FANCI: variants seen among roughly 807,000 people sequenced by gnomAD.
FANCI encodes the protein FA complementation group I.
A neutral mutation model predicts 176.1 loss-of-function variants in FANCI; 156 were observed. The ratio of observed to expected loss-of-function variants is 0.89; its 90% CI spans 0.78 to 1.01. The LOEUF (loss-of-function observed/expected upper bound fraction) is 1.01. Among genes scored for constraint, FANCI ranks in the 50% least tolerant of loss-of-function variants. FANCI has a pLI of 0.00. For synonymous variants in FANCI, 613 were observed against 541.7 expected (o/e 1.13, Z -1.83); for missense variants, 1,678 against 1,534.1 (o/e 1.09, Z -1.57).
intron 10 of FANCI, among the ~76,000 whole-genome samples, chr15:89,270,139 T>G (rs78431628): frequency 2.6e-3 from 392 of 152,254 alleles, no homozygotes; most frequent in African/African-American, 9.2e-3. Context: ...CCCCCAACCA[T>G]TTAAAACCAT....
intron 18 of FANCI, among the ~76,000 whole-genome samples, chr15:89,285,988 T>A (rs2053800105): frequency 6.6e-6 from 1 of 151,242 alleles, no homozygotes; most frequent in Non-Finnish European, 1.5e-5. Context: ...CAAACTTAGT[T>A]TTTTTTTTTC....
At chr15:89,249,473 G>C (rs945302881) in intron 2 of FANCI, among the ~76,000 whole-genome samples, 1 of 152,028 alleles carries the variant, frequency 6.6e-6, no homozygotes, top group Non-Finnish European at 1.5e-5. Flanking sequence ...TCAGCCTCCT[G>C]AGTAGCTGGG....
At chr15:89,254,057 T>C (rs1047855398) in intron 2 of FANCI, among the ~76,000 whole-genome samples, 1 of 152,062 alleles carries the variant, frequency 6.6e-6, no homozygotes, top group Non-Finnish European at 1.5e-5. Flanking sequence ...GAAAGAACCA[T>C]GAAGCAAAGA....
At chr15:89,263,335 CCTGT>C in intron 6 of FANCI, 80 bp from the exon 7 acceptor site, 1 of 1,096,932 alleles carries the variant, frequency 9.1e-7, no homozygotes, top group Non-Finnish European at 1.4e-6. Context: ...TTGAATTGGC[CCTGT>C]TTTTTTGTCC....
At chr15:89,275,083 C>CTTT (rs530017776) in intron 12 of FANCI, among the ~76,000 whole-genome samples, 1,218 of 114,876 alleles carry the variant, frequency 0.011, 39 homozygotes, top group Middle Eastern at 0.016. Context: ...GGCCTTTCTT[C>CTTT]TTTTTTTTTT....
chr15:89,253,360 A>G (rs1021866123), intron 2 of FANCI, among the ~76,000 whole-genome samples: 1 of 151,996 alleles, frequency 6.6e-6, no homozygotes, highest in African/African-American at 2.4e-5. Context: ...ATCTAAATAA[A>G]TGTTAGGGCT....
At position 89,264,579 on chromosome 15, in the gene FANCI, C is replaced by G; in HGVS notation, c.727C>G (p.Gln243Glu). The G allele has an allele frequency of 6.2e-7, 1 of 1,613,636 alleles. No homozygotes were observed. The highest frequency in any genetic ancestry group is 8.5e-7 in the Non-Finnish European group (1 of 1,179,780). The change falls in exon 9 of 38, where the codon CAG becomes GAG. Residue 243 changes from glutamine (Q) to glutamate (E), a missense_variant. This residue lies in a region of FANCI where 469 missense variants were observed against 436.9 expected (regional missense o/e 1.07). Transcript: ENST00000310775. ...IIAFFSALDK[Q>E]HNEEQSGDEL... ...AGCCTTCTTCAGTGCACTAGATAAG[C>G]AGCACAATGAGGAACAGAGTGGTGA... is the stretch of plus-strand genomic sequence containing the variant.
chr15:89,305,840 G>A (rs1336700784), intron 31 of FANCI, 142 bp downstream of exon 31: 1 of 1,107,142 alleles, frequency 9.0e-7, no homozygotes, highest in Admixed American at 2.0e-5. Flanking sequence ...GATGAAAGAA[G>A]TAGAAGATCA....
chr15:89,264,106 T>C, intron 8 of FANCI, 80 bp downstream of exon 8: 2 of 1,515,134 alleles, frequency 1.3e-6, no homozygotes, highest in Non-Finnish European at 1.8e-6. Context: ...ACCCTTGGTT[T>C]ATATAGCAGA....
Position 89,292,829 on chromosome 15 carries a change from A to C in FANCI, c.2134A>C (p.Arg712=), listed in dbSNP as rs1017506584. 6.2e-7 allele frequency: 1 copy of C among 1,614,054 alleles called. No homozygotes were observed. Among genetic ancestry groups the C allele is most frequent in the African/African-American group, 1.3e-5 (1 of 74,936 alleles). The part of the protein sequence containing the change: ...LDDILESITN[R]MIKSELEDFE... Reference sequence around the variant, plus strand: ...TGATATATTGGAGTCCATTACTAATAGAATGATTAAGAGTGAGCTGGAAGA... The same window carrying C: ...TGATATATTGGAGTCCATTACTAATCGAATGATTAAGAGTGAGCTGGAAGA... Residue 712 remains arginine, a synonymous_variant, in exon 21 of 38, where the codon AGA becomes CGA. Transcript: ENST00000310775.
chr15:89,258,679 C>G (rs921915921), intron 2 of FANCI, 25 bp from the exon 3 acceptor site: 18 of 1,592,008 alleles, frequency 1.1e-5, no homozygotes, highest in Non-Finnish European at 1.6e-5. Flanking sequence ...TTGCCAGAGA[C>G]TTGTACCTTT....
chr15:89,278,134 T>C (rs1346624571), intron 13 of FANCI, among the ~76,000 whole-genome samples: 1 of 152,262 alleles, frequency 6.6e-6, no homozygotes, highest in African/African-American at 2.4e-5. Context: ...TATAAATTGC[T>C]ACTAAGTCAC....
At chr15:89,280,405 CT>C (rs1381146782) in intron 14 of FANCI, among the ~76,000 whole-genome samples, 1 of 152,212 alleles carries the variant, frequency 6.6e-6, no homozygotes, top group East Asian at 1.9e-4. Flanking sequence ...CAGTTATTTA[CT>C]TTCCTGGATT....
rs139843745 is a variant in FANCI at position 89,304,937 on chromosome 15, C to T, written c.3059-178C>T. On this transcript the variant is annotated intron_variant, in intron 28 of 37. Transcript: ENST00000310775. The stretch of plus-strand genomic sequence containing the variant: ...GATTACAGGCATGCGCCACCATGCC[C>T]GGCTAATTTTATATTTTTAGTAGAG... 4.4e-3 allele frequency among the ~76,000 whole-genome samples: 670 copies of T among 152,216 alleles called. 5 individuals carry two copies. Among genetic ancestry groups the T allele is most frequent in the African/African-American group, 0.015 (622 of 41,540 alleles).
At chr15:89,310,576 A>C (rs1044183775) in intron 34 of FANCI, among the ~76,000 whole-genome samples, 1 of 152,240 alleles carries the variant, frequency 6.6e-6, no homozygotes, top group African/African-American at 2.4e-5. Flanking sequence ...TCTGCAGGCA[A>C]ACATTTTACA....
At chr15:89,250,703 A>G (rs2052207862) in intron 2 of FANCI, among the ~76,000 whole-genome samples, 1 of 148,178 alleles carries the variant, frequency 6.7e-6, no homozygotes, top group Admixed American at 6.7e-5. Context: ...ATAAAAATAT[A>G]TATATATATA....
chr15:89,316,293 C>T, intron 37 of FANCI, 104 bp from the exon 38 acceptor site: 5 of 1,193,432 alleles, frequency 4.2e-6, no homozygotes, highest in Non-Finnish European at 4.9e-6. Flanking sequence ...GCATGACTAA[C>T]AAAGGCTTTG....
intron 32 of FANCI, among the ~76,000 whole-genome samples, chr15:89,306,607 G>A (rs191498002): frequency 9.1e-4 from 138 of 152,008 alleles, no homozygotes; most frequent in Admixed American, 8.7e-3. Context: ...CAGGAGAATC[G>A]CTTGAACCCA....
chr15:89,305,055 C>T (rs1429143056), intron 28 of FANCI, 60 bp from the exon 29 acceptor site: 66 of 1,600,864 alleles, frequency 4.1e-5, no homozygotes, highest in African/African-American at 5.3e-5. Context: ...GGATTACAGG[C>T]GTGAGCCACT....
Sources: gnomAD v4.1 joint callset for allele counts (sites outside exome capture counted in the v4.1 genomes callset) on GRCh38, gnomAD v4.1.1 for gene constraint, gnomAD v4.1.1 regional missense constraint, MANE v1.5 for transcripts, NCBI Gene and HGNC (gene_info 2026-07-23, HGNC 2026-07-21) for gene names.